The following CYP27A1 variants were observed in gnomAD, a reference collection of about 807,000 sequenced individuals.
CYP27A1 encodes the protein sterol 26-hydroxylase, mitochondrial.
Under a neutral mutation model 58.2 loss-of-function variants are expected in CYP27A1, and 46 were observed. The ratio of observed to expected loss-of-function variants is 0.79; its 90% confidence interval spans 0.62 to 1.01. The LOEUF (loss-of-function observed/expected upper bound fraction) is 1.01, where lower values mean the gene tolerates loss of function less well. CYP27A1 is among the 50% of genes least tolerant of loss of function. CYP27A1 has a pLI of 0.00. For missense variants in CYP27A1, 704 were observed against 687.0 expected (o/e 1.02, Z -0.28); for synonymous variants, 274 against 285.1 (o/e 0.96, Z 0.39).
chr2:218,793,804 C>A (rs138617056), intron 1 of CYP27A1, among the ~76,000 whole-genome samples: 1,589 of 151,916 alleles, frequency 0.01, 21 homozygotes, highest in Admixed American at 0.017. Flanking sequence ...AACCTCCGCC[C>A]CCAGGTTCAA....
chr2:218,803,334 T>G (rs1224988456), intron 1 of CYP27A1, among the ~76,000 whole-genome samples: 1 of 152,248 alleles, frequency 6.6e-6, no homozygotes, highest in African/African-American at 2.4e-5. Context: ...CTCTGGATAT[T>G]AAACCCTTAT....
chr2:218,789,720 A>G (rs759421965), intron 1 of CYP27A1, among the ~76,000 whole-genome samples: 2 of 152,154 alleles, frequency 1.3e-5, no homozygotes, highest in African/African-American at 2.4e-5. Flanking sequence ...ACAATTCCCC[A>G]CTTTCGGTTA....
At position 218,806,951 on chromosome 2, in the gene CYP27A1, A is replaced by ATTTTTTTTT. The variant is rs10647379; in HGVS notation, c.256-2611_256-2603dup. On this transcript the variant is annotated intron_variant, in intron 1 of 8. Coordinates refer to ENST00000258415, the MANE Select transcript of CYP27A1 (RefSeq NM_000784.4). ...ACTTTTAGGACAGGTCTCCTAGGGA[A>ATTTTTTTTT]TTTTTTTTTTTTTTTTTTTTTTTGA... Among the ~76,000 whole-genome samples the ATTTTTTTTT allele has an allele frequency of 2.7e-4, 27 of 100,490 alleles. 1 individual carries two copies. Among genetic ancestry groups the ATTTTTTTTT allele is most frequent in the South Asian group, 3.3e-4 (1 of 3,060 alleles). The allele number at this position is 100,490 out of a possible 152,430, so 65.9% of individuals were successfully genotyped here. A position where few individuals can be genotyped will look rare whatever the true frequency, so the allele number is the denominator to read the frequency against.
intron 1 of CYP27A1, among the ~76,000 whole-genome samples, chr2:218,786,352 G>A (rs758635330): frequency 1.3e-5 from 2 of 152,216 alleles, no homozygotes; most frequent in Non-Finnish European, 2.9e-5. Context: ...AGGGGAGGAC[G>A]GCAATGGATG....
At chr2:218,788,324 C>T (rs1411962960) in intron 1 of CYP27A1, among the ~76,000 whole-genome samples, 1 of 152,198 alleles carries the variant, frequency 6.6e-6, no homozygotes, top group African/African-American at 2.4e-5. Flanking sequence ...ACTGGCTTCC[C>T]CCAGAGTGAA....
Position 218,814,458 on chromosome 2 carries a change from C to T in CYP27A1, c.1263C>T (p.Asn421=), listed in dbSNP as rs748358246. The T allele has an allele frequency of 1.6e-5, 26 of 1,614,086 alleles. No homozygotes were observed. The highest frequency in any genetic ancestry group is 4.4e-5 in the South Asian group (4 of 91,086). The change falls in exon 7 of 9, where the codon AAC becomes AAT. Residue 421 remains asparagine, a splice_region_variant and synonymous_variant. Transcript: ENST00000258415. ...IEVDGFLFPK[N]TQFVFCHYVV... ...TTGATGGCTTCCTCTTCCCCAAGAACGTGAGTGGGGCTAGAGAGCCCGATT... is the reference window on the plus strand; with the variant it reads ...TTGATGGCTTCCTCTTCCCCAAGAATGTGAGTGGGGCTAGAGAGCCCGATT...
At chr2:218,804,697 G>A (rs1327786551) in intron 1 of CYP27A1, among the ~76,000 whole-genome samples, 1 of 152,090 alleles carries the variant, frequency 6.6e-6, no homozygotes, top group Non-Finnish European at 1.5e-5. Context: ...CACTTATTTA[G>A]GTCTTTAATT....
In CYP27A1 at chr2:218,799,854, A is replaced by G. The variant is rs201695590; in HGVS notation, c.256-9723A>G. Among the ~76,000 whole-genome samples the G allele has an allele frequency of 5.3e-5, 8 of 152,122 alleles. No individual in the cohort carries two copies. In the East Asian group the frequency reaches 1.6e-3, roughly 30 times the overall value. On this transcript the variant is annotated intron_variant, in intron 1 of 8. Coordinates refer to ENST00000258415, the MANE Select transcript of CYP27A1 (RefSeq NM_000784.4). ...CTCGGTGCCCCAATGACTTGTGCCC[A>G]GTGTCGGAAAAGGCTGAACAGGTTC...
intron 1 of CYP27A1, among the ~76,000 whole-genome samples, chr2:218,805,668 G>T (rs1446082046): frequency 6.6e-6 from 1 of 152,022 alleles, no homozygotes; most frequent in East Asian, 1.9e-4. Context: ...CTCCTGCTTT[G>T]GAGTTTTGTC....
intron 1 of CYP27A1, among the ~76,000 whole-genome samples, chr2:218,794,641 C>G: frequency 6.6e-6 from 1 of 152,066 alleles, no homozygotes; most frequent in East Asian, 1.9e-4. Context: ...CCCTTGAGCC[C>G]AATCCTGAAC....
intron 1 of CYP27A1, among the ~76,000 whole-genome samples, chr2:218,801,420 C>T (rs1208946623): frequency 2.0e-5 from 3 of 152,034 alleles, no homozygotes; most frequent in Admixed American, 6.6e-5. Context: ...GCAGGAGAAT[C>T]GCTTCAACCT....
intron 2 of CYP27A1, among the ~76,000 whole-genome samples, chr2:218,811,706 A>T (rs1943717339): frequency 6.6e-6 from 1 of 152,168 alleles, no homozygotes; most frequent in Non-Finnish European, 1.5e-5. Flanking sequence ...CGGGAACCCT[A>T]ACTTGGTCCT....
At position 218,815,054 on chromosome 2, in the gene CYP27A1, C is replaced by T; in HGVS notation, c.*24C>T. The T allele has an allele frequency of 3.7e-6, 6 of 1,614,024 alleles. No homozygotes were observed. The South Asian group carries it at 6.6e-5, about 18-fold the overall frequency. ...GAGCTGAGTCTCCGCCTTGCTGGGG[C>T]TTGTCCTAGAGGCTCCAGCTCTGGC... On this transcript the variant is annotated 3_prime_UTR_variant, in exon 9 of 9. Transcript: ENST00000258415.
At chr2:218,814,797 G>A (rs1200355900) in intron 8 of CYP27A1, 40 bp downstream of exon 8, 15 of 1,613,522 alleles carry the variant, frequency 9.3e-6, no homozygotes, top group Non-Finnish European at 1.3e-5. Flanking sequence ...GGGCAGGGAG[G>A]GGTGGAGGAG....
intron 1 of CYP27A1, among the ~76,000 whole-genome samples, chr2:218,798,409 C>T (rs891811324): frequency 1.2e-4 from 19 of 152,178 alleles, no homozygotes; most frequent in African/African-American, 3.9e-4. Flanking sequence ...TAACTCCTGG[C>T]AATTTTAACT....
chr2:218,812,356 CAG>C lies in CYP27A1; in HGVS notation c.586_587del (p.Ser196CysfsTer91), dbSNP rs758739930. Reference sequence around the variant, plus strand: ...ATGACTCGACTGGACCAGCTGCGGGCAGAGAGTGCTTCGGGGAACCAGGTGTC... The same window carrying C: ...ATGACTCGACTGGACCAGCTGCGGGCAGAGTGCTTCGGGGAACCAGGTGTC... On this transcript the variant is annotated frameshift_variant, in exon 3 of 9. Coordinates refer to ENST00000258415, the MANE Select transcript of CYP27A1 (RefSeq NM_000784.4). LOFTEE classifies it high-confidence loss of function. The C allele has an allele frequency of 1.2e-6, 2 of 1,614,176 alleles. No individual in the cohort carries two copies. Among genetic ancestry groups the C allele is most frequent in the Non-Finnish European group, 1.7e-6 (2 of 1,180,030 alleles).
Position 218,810,285 on chromosome 2 carries a change from G to GA in CYP27A1, c.446+531dup, listed in dbSNP as rs796279209. On this transcript the variant is annotated intron_variant, in intron 2 of 8. Transcript: ENST00000258415. ...CAGAGTGAGACTCCATCTCAAAAAA[G>GA]AAAAAAAAAAAAACTTTTTAACTTG... is the stretch of plus-strand genomic sequence containing the variant. Among the ~76,000 whole-genome samples, 670 of 135,384 alleles carry GA rather than the reference G, an allele frequency of 4.9e-3. 1 individual carries two copies. The highest frequency in any genetic ancestry group is 0.011 in the African/African-American group (392 of 37,260). 88.8% of individuals were successfully genotyped at this position (135,384 alleles called of 152,430 possible). A position where few individuals can be genotyped will look rare whatever the true frequency, so the allele number is the denominator to read the frequency against.
chr2:218,814,174 A>G lies in CYP27A1; in HGVS notation c.1171A>G (p.Lys391Glu). The change falls in exon 6 of 9, where the codon AAG becomes GAG. Residue 391 changes from lysine to glutamate, a missense_variant. Physicochemically the swap from Lys to Glu is moderately conservative, Grantham distance 56. Transcript: ENST00000258415. ...AHMPLLKAVL[K>E]ETLRLYPVVP... ...CATGCCGTTGCTCAAAGCTGTGCTT[A>G]AGGAGACTCTGCGGTAGGACAGAAT... 1 of 1,614,258 alleles carries G rather than the reference A, an allele frequency of 6.2e-7. No individual in the cohort carries two copies. The highest frequency in any genetic ancestry group is 8.5e-7 in the Non-Finnish European group (1 of 1,180,042).
intron 2 of CYP27A1, 54 bp downstream of exon 2, chr2:218,809,821 GAC>G (rs1943694117): frequency 1.3e-6 from 2 of 1,549,702 alleles, no homozygotes; most frequent in Non-Finnish European, 1.8e-6. Flanking sequence ...CAGGGCGAAA[GAC>G]AGTGGGCACA....
Sources: allele counts gnomAD v4.1 joint callset (sites outside exome capture counted in the v4.1 genomes callset), GRCh38; gene constraint gnomAD v4.1.1; transcripts MANE v1.5; gene names NCBI Gene and HGNC (gene_info 2026-07-23, HGNC 2026-07-21).